Variants in JAKMIP3 observed in about 807,000 individuals in gnomAD.
The protein encoded by JAKMIP3 is Janus kinase and microtubule interacting protein 3.
Under a neutral mutation model 118.5 loss-of-function variants are expected in JAKMIP3, and 58 were observed. The ratio of observed to expected loss-of-function variants is 0.49; its 90% CI spans 0.40 to 0.61. The LOEUF (loss-of-function observed/expected upper bound fraction) is 0.61. Among genes scored for constraint, JAKMIP3 ranks in the 20% least tolerant of loss-of-function variants. JAKMIP3 has a pLI of 0.00. For synonymous variants in JAKMIP3, 486 were observed against 451.2 expected (o/e 1.08, Z -0.98); for missense variants, 950 against 1,109.0 (o/e 0.86, Z 2.04).
chr10:132,120,181 A>G (rs1430854179), intron 3 of JAKMIP3, among the ~76,000 whole-genome samples: 1 of 152,248 alleles, frequency 6.6e-6, no homozygotes, highest in Non-Finnish European at 1.5e-5. Flanking sequence ...TACAGAATCC[A>G]TAGATTTGGG....
chr10:132,059,864 G>C (rs141375751), upstream of JAKMIP3, among the ~76,000 whole-genome samples: 1,221 of 152,346 alleles, frequency 8.0e-3, 12 homozygotes, highest in African/African-American at 0.028. Flanking sequence ...GAGGGACTGA[G>C]AGAGAAAGAG....
upstream of JAKMIP3, among the ~76,000 whole-genome samples, chr10:132,061,150 A>T (rs927678876): frequency 2.6e-5 from 4 of 152,188 alleles, no homozygotes; most frequent in Non-Finnish European, 4.4e-5. Flanking sequence ...GCTAGTTGTG[A>T]TGAGGAAAGG....
In JAKMIP3 at chr10:132,097,342, G is replaced by A. The variant is rs569669180; in HGVS notation, c.-137-7330G>A. 8.5e-5 allele frequency among the ~76,000 whole-genome samples: 13 copies of A among 152,304 alleles called. No individual in the cohort carries two copies. In the East Asian group the frequency reaches 1.2e-3, roughly 14 times the overall value. On this transcript the variant is annotated intron_variant, in intron 1 of 23. Coordinates refer to ENST00000684848, the MANE Select transcript of JAKMIP3 (RefSeq NM_001323087.2). ...AGAAGGGTGAACCGTGGGCCACTCC[G>A]CGGTGAGAAGGGGTGAACTGTGGGT...
intron 19 of JAKMIP3, among the ~76,000 whole-genome samples, chr10:132,161,183 G>A (rs1320041813): frequency 6.4e-4 from 9 of 14,054 alleles, no homozygotes; most frequent in African/African-American, 1.4e-3. Flanking sequence ...GATGCTGGGG[G>A]GTCTCTTCCT....
chr10:132,171,362 C>T (rs1325698115), intron 23 of JAKMIP3, among the ~76,000 whole-genome samples: 1 of 152,200 alleles, frequency 6.6e-6, no homozygotes, highest in Non-Finnish European at 1.5e-5. Flanking sequence ...AACCCCACAC[C>T]CATGGGAAGC....
intron 1 of JAKMIP3, among the ~76,000 whole-genome samples, chr10:132,050,587 G>C (rs1302709443): frequency 6.6e-6 from 1 of 152,148 alleles, no homozygotes; most frequent in Non-Finnish European, 1.5e-5. Context: ...TTTGGTGAAG[G>C]ATTTCTTGAG....
chr10:132,128,118 C>T (rs569421893), intron 3 of JAKMIP3, among the ~76,000 whole-genome samples: 3 of 152,226 alleles, frequency 2.0e-5, no homozygotes, highest in Non-Finnish European at 4.4e-5. Flanking sequence ...AAAGGACGCT[C>T]TCTACTTTTG....
At chr10:132,116,441 C>T (rs1297925522) in intron 2 of JAKMIP3, among the ~76,000 whole-genome samples, 6 of 146,958 alleles carry the variant, frequency 4.1e-5, no homozygotes, top group Admixed American at 6.9e-5. Flanking sequence ...CGTGGAAGCT[C>T]CCCCCAAATG....
intron 1 of JAKMIP3, among the ~76,000 whole-genome samples, chr10:132,102,168 C>T (rs1391950006): frequency 3.3e-5 from 5 of 152,144 alleles, no homozygotes; most frequent in Admixed American, 1.3e-4. Context: ...GCCGAGCCCC[C>T]TTTCCTCCTC....
chr10:132,067,655 G>A (rs112882301), intron 1 of JAKMIP3, among the ~76,000 whole-genome samples: 13 of 136,120 alleles, frequency 9.6e-5, no homozygotes, highest in East Asian at 4.7e-4. Flanking sequence ...CTGGGCTTCC[G>A]TGTGGACTGG....
At chr10:132,105,438 GA>G (rs2134951647) in intron 2 of JAKMIP3, among the ~76,000 whole-genome samples, 1 of 152,310 alleles carries the variant, frequency 6.6e-6, no homozygotes, top group East Asian at 1.9e-4. Context: ...AAGCCCGGGG[GA>G]TGGGGAGGCC....
At chr10:132,124,634 C>T (rs1174177542) in intron 3 of JAKMIP3, among the ~76,000 whole-genome samples, 1 of 152,258 alleles carries the variant, frequency 6.6e-6, no homozygotes, top group African/African-American at 2.4e-5. Context: ...TACACATGTC[C>T]ATTGCCACGC....
chr10:132,144,393 G>A (rs946015267), intron 11 of JAKMIP3: 2 of 152,458 alleles, frequency 1.3e-5, no homozygotes, highest in African/African-American at 4.8e-5. Context: ...GCTTCCAGAG[G>A]GGCAGCTCCA....
chr10:132,078,400 C>T (rs1219776489), intron 1 of JAKMIP3, among the ~76,000 whole-genome samples: 1 of 151,780 alleles, frequency 6.6e-6, no homozygotes, highest in Non-Finnish European at 1.5e-5. Context: ...AAAGGCCTCT[C>T]CTCTCCAGAG....
chr10:132,172,894 C>T (rs2059640038), intron 23 of JAKMIP3, among the ~76,000 whole-genome samples: 1 of 151,210 alleles, frequency 6.6e-6, no homozygotes, highest in Non-Finnish European at 1.5e-5. Flanking sequence ...AATACATGTG[C>T]AAACCAACCT....
At chr10:132,120,240 A>G (rs2048332642) in intron 3 of JAKMIP3, among the ~76,000 whole-genome samples, 1 of 152,182 alleles carries the variant, frequency 6.6e-6, no homozygotes, top group Non-Finnish European at 1.5e-5. Flanking sequence ...GTCAGTGGGA[A>G]GACCAGTGTT....
At chr10:132,065,611 G>C (rs2038663748), upstream of JAKMIP3, among the ~76,000 whole-genome samples, 1 of 152,102 alleles carries the variant, frequency 6.6e-6, no homozygotes. This position sits in a 1 kb window ranked among gnomAD's most constrained non-coding sequence, Gnocchi z 5.6. Context: ...GACTGCCGCC[G>C]GGCCAACCCG....
In JAKMIP3 at chr10:132,180,746, C is replaced by CGTGTGT. The variant is rs1386218178; in HGVS notation, c.*1104-1610_*1104-1609insTGTGTG. Among the ~76,000 whole-genome samples the CGTGTGT allele has an allele frequency of 3.4e-3, 37 of 10,746 alleles. 7 individuals are homozygous for CGTGTGT. Among genetic ancestry groups the CGTGTGT allele is most frequent in the African/African-American group, 0.01 (35 of 3,460 alleles). The allele number at this position is 10,746 out of a possible 152,430, so 7.0% of individuals were successfully genotyped here. A position where few individuals can be genotyped will look rare whatever the true frequency, so the allele number is the denominator to read the frequency against. ...GTGTGTGTGCGTGTGTGCGTGCGTG[C>CGTGTGT]GCGCGCGTGTGTGCGTGTGTGTGCG... On this transcript the variant is annotated intron_variant, in intron 23 of 23. Coordinates refer to ENST00000684848, the MANE Select transcript of JAKMIP3 (RefSeq NM_001323087.2).
chr10:132,169,250 A>G (rs1048753275), intron 23 of JAKMIP3, among the ~76,000 whole-genome samples: 2 of 151,960 alleles, frequency 1.3e-5, no homozygotes, highest in Non-Finnish European at 2.9e-5. Flanking sequence ...CAGGGTCTGC[A>G]GACATGGTGC....
Sources: allele counts gnomAD v4.1 joint callset (sites outside exome capture counted in the v4.1 genomes callset), GRCh38; gene constraint gnomAD v4.1.1; non-coding constraint Gnocchi (gnomAD v3.1); transcripts MANE v1.5; gene names NCBI Gene and HGNC (gene_info 2026-07-23, HGNC 2026-07-21).